TMUB2: variants seen among roughly 807,000 people sequenced by gnomAD.
The protein encoded by TMUB2 is transmembrane and ubiquitin-like domain-containing protein 2.
TMUB2 carries 19 observed loss-of-function variants against 20.2 expected under a neutral mutation model. The ratio of observed to expected loss-of-function variants is 0.94; its 90% CI spans 0.66 to 1.38. TMUB2 has a LOEUF of 1.38. Ranked by LOEUF, TMUB2 falls within the 40% of genes most tolerant of loss-of-function variation. TMUB2 has a pLI of 0.00. For synonymous variants in TMUB2, 186 were observed against 166.0 expected (o/e 1.12, Z -0.92); for missense variants, 426 against 402.5 (o/e 1.06, Z -0.50).
Position 44,190,571 on chromosome 17 carries a change from C to T in TMUB2, c.673C>T (p.Arg225Cys), listed in dbSNP as rs761710798. Reference sequence around the variant, plus strand: ...GGGCCGCCTGCTACAAGACCCAGCCCGCACACTGCGTTCTCTGAACATTAC... The same window carrying T: ...GGGCCGCCTGCTACAAGACCCAGCCTGCACACTGCGTTCTCTGAACATTAC... ...YQGRLLQDPARTLRSLNITDN... is the reference protein window; with the variant it reads ...YQGRLLQDPACTLRSLNITDN... The change falls in exon 4 of 4, where the codon CGC (arginine) becomes TGC (cysteine). Residue 225 changes from arginine (R) to cysteine (C), a missense_variant. By Grantham distance (180) the Arg-to-Cys change is radical (BLOSUM62 -3). Coordinates refer to ENST00000538716, the MANE Select transcript of TMUB2 (RefSeq NM_001076674.3). 1.5e-5 allele frequency: 24 copies of T among 1,614,018 alleles called. No individual in the cohort carries two copies. The Middle Eastern group carries it at 6.6e-4, about 44-fold the overall frequency.
intron 1 of TMUB2, 82 bp from the exon 2 acceptor site, chr17:44,187,594 A>G (rs4793082): frequency 0.99 from 684,623 of 688,478 alleles, 340,408 homozygotes; most frequent in East Asian, 1. Flanking sequence ...CATGGTTAAT[A>G]ACATTAACCT....
intron 2 of TMUB2, chr17:44,188,794 A>G (rs59377393): frequency 0.011 from 5,918 of 552,962 alleles, 300 homozygotes; most frequent in African/African-American, 0.1. Context: ...TGAGAGAGGA[A>G]GGTCACAGAA....
rs2055033654 is a variant in TMUB2 at position 44,189,464 on chromosome 17, A to C, written c.478A>C (p.Arg160=). 1 of 1,614,098 alleles carries C rather than the reference A, an allele frequency of 6.2e-7. No individual in the cohort carries two copies. ...CAGCAGCAGTCCAGAGGCCCCCCTG[A>C]GATCTGAGGATAGCACCTGCCTCCC... is the stretch of plus-strand genomic sequence containing the variant. ...AGSSSPEAPL[R]SEDSTCLPPS... The change falls in exon 3 of 4, where the codon AGA becomes CGA. Residue 160 remains arginine, a synonymous_variant. Coordinates refer to ENST00000538716, the MANE Select transcript of TMUB2 (RefSeq NM_001076674.3).
chr17:44,188,473 T>C (rs577051790), intron 2 of TMUB2, among the ~76,000 whole-genome samples: 1 of 152,322 alleles, frequency 6.6e-6, no homozygotes, highest in South Asian at 2.1e-4. Flanking sequence ...TTTCTTTGGC[T>C]CTTGACATCT....
chr17:44,191,525 C>G lies in TMUB2; in HGVS notation c.*661C>G. 1 of 986,052 alleles carries G rather than the reference C, an allele frequency of 1.0e-6. No homozygotes were observed. The highest frequency in any genetic ancestry group is 1.2e-6 in the Non-Finnish European group (1 of 830,090). The allele number at this position is 986,052 out of a possible 1,614,324, so 61.1% of individuals were successfully genotyped here. Reference sequence around the variant, plus strand: ...AAGGGGATGGGGCACCAAGCCAAGCCCCCAGCATTGGGAGCGGCCAGGCCA... The same window carrying G: ...AAGGGGATGGGGCACCAAGCCAAGCGCCCAGCATTGGGAGCGGCCAGGCCA... On this transcript the variant is annotated 3_prime_UTR_variant, in exon 4 of 4. Coordinates refer to ENST00000538716, the MANE Select transcript of TMUB2 (RefSeq NM_001076674.3).
At position 44,190,693 on chromosome 17, in the gene TMUB2, C is replaced by A; in HGVS notation, c.795C>A (p.Ser265Arg). 3 of 1,614,238 alleles carry A rather than the reference C, an allele frequency of 1.9e-6. No homozygotes were observed. The highest frequency in any genetic ancestry group is 2.5e-6 in the Non-Finnish European group (3 of 1,180,054). Residue 265 changes from serine (S) to arginine (R), a missense_variant, in exon 4 of 4, where the codon AGC becomes AGA. Ser to Arg is a moderately radical substitution (Grantham distance 110). Transcript: ENST00000538716. ...SLAPSATEPPSLGVNVGSLMV... is the reference protein window; with the variant it reads ...SLAPSATEPPRLGVNVGSLMV... ...CCCCCTCGGCCACTGAGCCACCCAG[C>A]CTTGGTGTCAATGTGGGCAGCCTCA...
rs753804003 is a variant in TMUB2 at position 44,190,655 on chromosome 17, T to C, written c.757T>C (p.Ser253Pro). The stretch of plus-strand genomic sequence containing the variant: ...CCCAGGGTCAGCTGTTCCAGGCCCC[T>C]CAGCCTCCTTGGCCCCCTCGGCCAC... The part of the protein sequence containing the change: ...SPPGSAVPGP[S>P]ASLAPSATEP... Residue 253 changes from serine (S) to proline (P), a missense_variant, in exon 4 of 4, where the codon TCA (serine) becomes CCA (proline). Physicochemically the swap from Ser to Pro is moderately conservative, Grantham distance 74 (BLOSUM62 -1). Transcript: ENST00000538716. 6.2e-7 allele frequency: 1 copy of C among 1,614,096 alleles called. No homozygotes were observed. Among genetic ancestry groups the C allele is most frequent in the African/African-American group, 1.3e-5 (1 of 74,942 alleles).
Position 44,191,019 on chromosome 17 carries a change from C to G in TMUB2, c.*155C>G, listed in dbSNP as rs1417321884. 4.1e-6 allele frequency: 6 copies of G among 1,457,836 alleles called. No individual in the cohort carries two copies. In the South Asian group the frequency reaches 5.7e-5, roughly 14 times the overall value. 90.3% of individuals were successfully genotyped at this position (1,457,836 alleles called of 1,614,324 possible). On this transcript the variant is annotated 3_prime_UTR_variant, in exon 4 of 4. Transcript: ENST00000538716. ...ACACAGGAGGCAAGTATGCGGCCTCCCCTTCTCATCCACAGGAGTACAGAT... is the reference window on the plus strand; with the variant it reads ...ACACAGGAGGCAAGTATGCGGCCTCGCCTTCTCATCCACAGGAGTACAGAT...
At chr17:44,187,198 T>C (rs2054559865) in intron 1 of TMUB2, 89 bp downstream of exon 1, 1 of 156,202 alleles carries the variant, frequency 6.4e-6, no homozygotes, top group Non-Finnish European at 1.4e-5. Flanking sequence ...CGCCCCCAGT[T>C]CCCCAGCCCC....
chr17:44,189,513 T>C lies in TMUB2; in HGVS notation c.527T>C (p.Val176Ala). Residue 176 changes from valine to alanine, a missense_variant, in exon 3 of 4, where the codon GTG becomes GCG. Transcript: ENST00000538716. ...CCTCCCAGCCCTGGCCTCATCACTG[T>C]GCGGCTCAAATTCCTCAATGATACC... ...CLPPSPGLIT[V>A]RLKFLNDTEE... 1 of 1,613,766 alleles carries C rather than the reference T, an allele frequency of 6.2e-7. No individual in the cohort carries two copies. The highest frequency in any genetic ancestry group is 8.5e-7 in the Non-Finnish European group (1 of 1,179,856).
In TMUB2 at chr17:44,191,771, A is replaced by G; in HGVS notation, c.*907A>G. 1.0e-6 allele frequency: 1 copy of G among 984,528 alleles called. No individual in the cohort carries two copies. The highest frequency in any genetic ancestry group is 1.2e-6 in the Non-Finnish European group (1 of 828,782). 61.0% of individuals were successfully genotyped at this position (984,528 alleles called of 1,614,324 possible). A position where few individuals can be genotyped will look rare whatever the true frequency, so the allele number is the denominator to read the frequency against. On this transcript the variant is annotated 3_prime_UTR_variant, in exon 4 of 4. Coordinates refer to ENST00000538716, the MANE Select transcript of TMUB2 (RefSeq NM_001076674.3). ...CAGAGAATGGCTTTGCGCTGCCCCC[A>G]GGAAAATGGTAATGAGAGTAGGTAG...
rs2055592185 is a variant in TMUB2, at chr17:44,191,593, G to C, written c.*729G>C. 1 of 985,886 alleles carries C rather than the reference G, an allele frequency of 1.0e-6. No homozygotes were observed. The highest frequency in any genetic ancestry group is 1.2e-6 in the Non-Finnish European group (1 of 830,036). 61.1% of individuals were successfully genotyped at this position (985,886 alleles called of 1,614,324 possible). On this transcript the variant is annotated 3_prime_UTR_variant, in exon 4 of 4. Transcript: ENST00000538716. ...GTCCTCAGGCTGTAAGCAAGAGACA[G>C]CACTGGCCCTTGGCCAGCGTCCTAC...
intron 3 of TMUB2, 31 bp from the exon 4 acceptor site, chr17:44,190,470 A>G (rs1023934169): frequency 9.0e-6 from 14 of 1,559,182 alleles, no homozygotes; most frequent in African/African-American, 1.4e-5. Flanking sequence ...CTCACCCTCT[A>G]TCTTTTCTTC....
rs1433926631 is a variant in TMUB2, at chr17:44,190,923, C to T, written c.*59C>T. ...CTCCTTTACGGCCTCCCCACTTTTCCTGGCCAGAGCTGGGCCCAAGGGCCG... is the reference window on the plus strand; with the variant it reads ...CTCCTTTACGGCCTCCCCACTTTTCTTGGCCAGAGCTGGGCCCAAGGGCCG... On this transcript the variant is annotated 3_prime_UTR_variant, in exon 4 of 4. Coordinates refer to ENST00000538716, the MANE Select transcript of TMUB2 (RefSeq NM_001076674.3). 38 of 1,534,802 alleles carry T rather than the reference C, an allele frequency of 2.5e-5. No homozygotes were observed. The highest frequency in any genetic ancestry group is 3.3e-5 in the Non-Finnish European group (38 of 1,144,146).
chr17:44,187,611 C>G, intron 1 of TMUB2, 65 bp from the exon 2 acceptor site: 1 of 707,742 alleles, frequency 1.4e-6, no homozygotes, highest in East Asian at 2.7e-5. Flanking sequence ...ACCTTCTTAC[C>G]ATCAGGGGTT....
chr17:44,187,408 A>C, intron 1 of TMUB2: 1 of 421,614 alleles, frequency 2.4e-6, no homozygotes, highest in Non-Finnish European at 4.3e-6. Flanking sequence ...AGGGTGCGGG[A>C]CCCCTCCTCA....
intron 3 of TMUB2, 116 bp downstream of exon 3, chr17:44,189,704 C>A: frequency 1.0e-6 from 1 of 980,110 alleles, no homozygotes; most frequent in South Asian, 1.8e-5. Context: ...CAGCCCCTAC[C>A]AAGGGCAGGT....
At position 44,189,071 on chromosome 17, in the gene TMUB2, A is replaced by T. The variant is rs369099882; in HGVS notation, c.85A>T (p.Ile29Phe). The T allele has an allele frequency of 6.2e-7, 1 of 1,613,768 alleles. No homozygotes were observed. The change falls in exon 3 of 4, where the codon ATT (isoleucine) becomes TTT (phenylalanine). Residue 29 changes from isoleucine (I) to phenylalanine (F), a missense_variant. Transcript: ENST00000538716. Reference sequence around the variant, plus strand: ...CATGGAGCTCTCTGATGTCACCCTCATTGAGGGTGTGGGTAATGAGGTGAT... The same window carrying T: ...CATGGAGCTCTCTGATGTCACCCTCTTTGAGGGTGTGGGTAATGAGGTGAT... ...QAMELSDVTL[I>F]EGVGNEVMVV... is the part of the protein sequence containing the mutation.
chr17:44,189,000 C>A, intron 2 of TMUB2, 22 bp from the exon 3 acceptor site: 1 of 1,600,086 alleles, frequency 6.2e-7, no homozygotes, highest in Non-Finnish European at 8.5e-7. Context: ...TCTGCTGATG[C>A]TGTCCCCCTT....
Sources: allele counts gnomAD v4.1 joint callset (sites outside exome capture counted in the v4.1 genomes callset), GRCh38; gene constraint gnomAD v4.1.1; transcripts MANE v1.5; gene names NCBI Gene and HGNC (gene_info 2026-07-23, HGNC 2026-07-21).